The following REXO5 variants were observed in gnomAD, a reference collection of about 807,000 sequenced individuals.
REXO5 encodes the protein RNA exonuclease 5.
A neutral mutation model predicts 88.5 loss-of-function variants in REXO5; 48 were observed. The ratio of observed to expected loss-of-function variants is 0.54; its 90% CI spans 0.43 to 0.69. The LOEUF is 0.69. Ranked by LOEUF, REXO5 falls within the 30% of genes least tolerant of loss-of-function variation. The probability of loss-of-function intolerance (pLI) is 0.00; values close to 1 mark genes in which losing one functional copy is unlikely to be tolerated. For synonymous variants in REXO5, 311 were observed against 336.5 expected (o/e 0.92, Z 0.83); for missense variants, 749 against 912.2 (o/e 0.82, Z 2.30).
At chr16:20,807,298 G>A (rs1371138983) in intron 2 of REXO5, 4 of 617,868 alleles carry the variant, frequency 6.5e-6, no homozygotes, top group African/African-American at 3.7e-5. Flanking sequence ...TAGTGAGTCG[G>A]CCGAGTGCGG....
chr16:20,832,280 CAA>C, intron 12 of REXO5, 21 bp downstream of exon 12: 1 of 1,506,260 alleles, frequency 6.6e-7, no homozygotes, highest in South Asian at 1.2e-5. Flanking sequence ...CAGTTTGAAA[CAA>C]GAGCAAAGAC....
chr16:20,846,414 G>T lies in REXO5; in HGVS notation c.2243+75G>T. On this transcript the variant is annotated intron_variant, in intron 19 of 19. Transcript: ENST00000261377. ...GCTGTTCTTAGAGAAAAAGCCTTTT[G>T]CTGATATTTAGGCACATAGTGAGGA... The T allele has an allele frequency of 5.3e-6, 6 of 1,133,964 alleles. No homozygotes were observed. The East Asian group carries it at 1.4e-4, about 27-fold the overall frequency. The allele number at this position is 1,133,964 out of a possible 1,614,324, so 70.2% of individuals were successfully genotyped here.
intron 12 of REXO5, among the ~76,000 whole-genome samples, 189 bp downstream of exon 12, chr16:20,832,448 C>G (rs952130199): frequency 6.8e-6 from 1 of 147,792 alleles, no homozygotes; most frequent in East Asian, 2.0e-4. Flanking sequence ...TATTTAATTT[C>G]TAATTTTCTG....
At position 20,833,030 on chromosome 16, in the gene REXO5, T is replaced by A; in HGVS notation, c.1290T>A (p.Gly430=). The A allele has an allele frequency of 6.2e-7, 1 of 1,613,896 alleles. No homozygotes were observed. The highest frequency in any genetic ancestry group is 1.1e-5 in the South Asian group (1 of 91,062). Residue 430 remains glycine, a synonymous_variant, in exon 13 of 20, where the codon GGT becomes GGA. Coordinates refer to ENST00000261377, the MANE Select transcript of REXO5 (RefSeq NM_030941.3). ...TSVLECLDSV[G]QKLLFLTRET... ...TTTTAGAATGCTTGGATTCAGTGGG[T>A]CAGAAGCTTCTTTTTTTGACCCGGG...
chr16:20,837,022 G>C (rs560912198), intron 13 of REXO5, among the ~76,000 whole-genome samples: 28 of 152,218 alleles, frequency 1.8e-4, no homozygotes, highest in African/African-American at 6.5e-4. Flanking sequence ...ATTTGGGTAA[G>C]AGTCCTTTAA....
chr16:20,848,456 T>TA (rs1285384656), intron 19 of REXO5, among the ~76,000 whole-genome samples: 1 of 152,220 alleles, frequency 6.6e-6, no homozygotes, highest in African/African-American at 2.4e-5. Flanking sequence ...AGTCTCAGAT[T>TA]AACCAATTTT....
chr16:20,808,389 G>C (rs1163058882), intron 2 of REXO5, among the ~76,000 whole-genome samples: 1 of 152,122 alleles, frequency 6.6e-6, no homozygotes, highest in Admixed American at 6.6e-5. Flanking sequence ...CTGGACTACA[G>C]TGGTGTGACA....
At chr16:20,839,667 C>T in intron 13 of REXO5, 88 bp from the exon 14 acceptor site, 1 of 794,396 alleles carries the variant, frequency 1.3e-6, no homozygotes, top group Non-Finnish European at 2.0e-6. Flanking sequence ...AAAAAGACAA[C>T]TACTGTTTAT....
intron 15 of REXO5, 133 bp downstream of exon 15, chr16:20,840,601 A>G (rs2081511679): frequency 2.9e-6 from 2 of 692,910 alleles, no homozygotes; most frequent in Non-Finnish European, 4.6e-6. Context: ...GACATACTCT[A>G]ATGAGAGCAG....
At chr16:20,815,544 T>TTC (rs1567384685) in intron 4 of REXO5, among the ~76,000 whole-genome samples, 1 of 151,696 alleles carries the variant, frequency 6.6e-6, no homozygotes, top group African/African-American at 2.4e-5. Context: ...GGGTCACCAT[T>TTC]TTTTTTGCTT....
At chr16:20,816,658 T>G (rs952214021) in intron 5 of REXO5, among the ~76,000 whole-genome samples, 1 of 152,116 alleles carries the variant, frequency 6.6e-6, no homozygotes, top group South Asian at 2.1e-4. Context: ...ACAGTTTTTT[T>G]AAGGAAAAAT....
At position 20,833,039 on chromosome 16, in the gene REXO5, T is replaced by G; in HGVS notation, c.1299T>G (p.Leu433=). Reference sequence around the variant, plus strand: ...GCTTGGATTCAGTGGGTCAGAAGCTTCTTTTTTTGACCCGGGAGACAGATG... The same window carrying G: ...GCTTGGATTCAGTGGGTCAGAAGCTGCTTTTTTTGACCCGGGAGACAGATG... The part of the protein sequence containing the change: ...LECLDSVGQK[L]LFLTRETDAG... The change falls in exon 13 of 20, where the codon CTT becomes CTG. Residue 433 remains leucine (L), a synonymous_variant. Coordinates refer to ENST00000261377, the MANE Select transcript of REXO5 (RefSeq NM_030941.3). The G allele has an allele frequency of 6.2e-7, 1 of 1,613,712 alleles. No homozygotes were observed. The highest frequency in any genetic ancestry group is 8.5e-7 in the Non-Finnish European group (1 of 1,179,636).
chr16:20,822,963 T>G (rs1017853944), intron 6 of REXO5, among the ~76,000 whole-genome samples: 2 of 152,224 alleles, frequency 1.3e-5, no homozygotes, highest in African/African-American at 4.8e-5. Context: ...TGAGGAACTG[T>G]CAGGCTGTGA....
rs190727845 is a variant in REXO5 at position 20,818,655 on chromosome 16, C to T, written c.475+2443C>T. On this transcript the variant is annotated intron_variant, in intron 5 of 19. Transcript: ENST00000261377. ...CAGCTAATTTTTGTATTTTTAGTAACGACAGAGTTTCACCATGTTTGGCCA... is the reference window on the plus strand; with the variant it reads ...CAGCTAATTTTTGTATTTTTAGTAATGACAGAGTTTCACCATGTTTGGCCA... Among the ~76,000 whole-genome samples, 25 of 152,170 alleles carry T rather than the reference C, an allele frequency of 1.6e-4. No individual in the cohort carries two copies. The East Asian group carries it at 1.9e-3, about 12-fold the overall frequency.
chr16:20,830,735 C>A (rs561484956), intron 11 of REXO5, among the ~76,000 whole-genome samples: 29 of 152,172 alleles, frequency 1.9e-4, no homozygotes, highest in Non-Finnish European at 3.5e-4. Flanking sequence ...TTGCCAAGTT[C>A]ATCTCTAACT....
At chr16:20,833,993 A>G (rs189073274) in intron 13 of REXO5, among the ~76,000 whole-genome samples, 192 of 152,276 alleles carry the variant, frequency 1.3e-3, no homozygotes, top group African/African-American at 4.5e-3. Flanking sequence ...ATTACTTGTC[A>G]TATCTTTTTA....
chr16:20,841,229 C>A (rs1413980585), intron 15 of REXO5, among the ~76,000 whole-genome samples: 1 of 152,126 alleles, frequency 6.6e-6, no homozygotes, highest in Non-Finnish European at 1.5e-5. Context: ...AAGGACTTCA[C>A]AAGTTATGTC....
intron 16 of REXO5, among the ~76,000 whole-genome samples, chr16:20,844,411 G>A (rs1446409467): frequency 3.3e-5 from 5 of 152,144 alleles, no homozygotes; most frequent in African/African-American, 1.2e-4. Flanking sequence ...AAACTGAAGA[G>A]AATATGTTTA....
At chr16:20,835,465 C>T (rs533221047) in intron 13 of REXO5, among the ~76,000 whole-genome samples, 1 of 152,176 alleles carries the variant, frequency 6.6e-6, no homozygotes, top group Admixed American at 6.5e-5. Context: ...CGATTGTTTC[C>T]TCTAATCCTT....
Sources: allele counts gnomAD v4.1 joint callset (sites outside exome capture counted in the v4.1 genomes callset), GRCh38; gene constraint gnomAD v4.1.1; transcripts MANE v1.5; gene names NCBI Gene and HGNC (gene_info 2026-07-23, HGNC 2026-07-21).